SPIDR: variants seen among roughly 807,000 people sequenced by gnomAD.
SPIDR encodes the protein scaffold protein involved in DNA repair, also known as DNA repair-scaffolding protein.
In SPIDR, 93 loss-of-function variants were observed where a neutral mutation model predicts 104.6. That is an observed-to-expected ratio of 0.89 (90% CI 0.75 to 1.06). The LOEUF is 1.06. Ranked by LOEUF, SPIDR falls within the 50% of genes least tolerant of loss-of-function variation. The pLI is 0.00. For missense variants in SPIDR, 1,154 were observed against 1,111.2 expected (o/e 1.04, Z -0.55); for synonymous variants, 431 against 416.9 (o/e 1.03, Z -0.41).
At chr8:47,420,809 G>C (rs1172387482) in intron 7 of SPIDR, among the ~76,000 whole-genome samples, 1 of 152,156 alleles carries the variant, frequency 6.6e-6, no homozygotes, top group African/African-American at 2.4e-5. Flanking sequence ...GGGCAGGCCT[G>C]GTGGTGACAA....
chr8:47,712,158 A>G (rs774589564), intron 14 of SPIDR, among the ~76,000 whole-genome samples: 1 of 152,250 alleles, frequency 6.6e-6, no homozygotes, highest in African/African-American at 2.4e-5. Context: ...ATGAAAAAAT[A>G]TAGAAGGAAA....
intron 8 of SPIDR, among the ~76,000 whole-genome samples, chr8:47,592,927 C>G (rs1382482940): frequency 6.6e-6 from 1 of 152,106 alleles, no homozygotes; most frequent in East Asian, 1.9e-4. Flanking sequence ...GCTTTTGTTG[C>G]CCGGGTTGGA....
chr8:47,703,277 G>T (rs2080590064), intron 14 of SPIDR, among the ~76,000 whole-genome samples: 1 of 152,150 alleles, frequency 6.6e-6, no homozygotes, highest in South Asian at 2.1e-4. Flanking sequence ...CAAATTCTTT[G>T]CATTTCTCTG....
intron 1 of SPIDR, among the ~76,000 whole-genome samples, chr8:47,278,931 C>T (rs930689326): frequency 7.9e-5 from 12 of 151,896 alleles, no homozygotes; most frequent in South Asian, 2.1e-4. Flanking sequence ...CTGTGTTGCC[C>T]GGCTTGAAGT....
chr8:47,646,323 TCAC>T (rs1244789255), intron 10 of SPIDR, among the ~76,000 whole-genome samples: 8 of 152,188 alleles, frequency 5.3e-5, no homozygotes, highest in South Asian at 2.1e-4. Flanking sequence ...GAGTACATTG[TCAC>T]CACTCCAGAG....
intron 5 of SPIDR, among the ~76,000 whole-genome samples, chr8:47,316,804 T>C (rs1339895245): frequency 6.6e-6 from 1 of 152,188 alleles, no homozygotes; most frequent in African/African-American, 2.4e-5. Context: ...TTAAAACTTA[T>C]CAAATGGTGT....
intron 8 of SPIDR, among the ~76,000 whole-genome samples, chr8:47,535,818 G>A (rs2086808964): frequency 6.6e-6 from 1 of 151,812 alleles, no homozygotes; most frequent in Admixed American, 6.6e-5. Flanking sequence ...ACTGAGAGCA[G>A]GAGCAAGACA....
At chr8:47,622,985 A>C (rs2065389439) in intron 10 of SPIDR, among the ~76,000 whole-genome samples, 1 of 152,174 alleles carries the variant, frequency 6.6e-6, no homozygotes, top group African/African-American at 2.4e-5. Context: ...CAGCAGTCTC[A>C]GTATCCGCTA....
intron 5 of SPIDR, among the ~76,000 whole-genome samples, chr8:47,353,592 G>A (rs1489844630): frequency 6.6e-6 from 1 of 152,030 alleles, no homozygotes; most frequent in Non-Finnish European, 1.5e-5. Flanking sequence ...TGACCAAAAT[G>A]GCATGAGGGT....
chr8:47,699,411 C>T (rs1180942568), intron 11 of SPIDR, among the ~76,000 whole-genome samples: 1 of 152,116 alleles, frequency 6.6e-6, no homozygotes, highest in African/African-American at 2.4e-5. Context: ...CTCCAGGGGC[C>T]CTGCTGTTCC....
chr8:47,488,489 T>G (rs990257174), intron 8 of SPIDR, among the ~76,000 whole-genome samples: 1 of 152,180 alleles, frequency 6.6e-6, no homozygotes, highest in Non-Finnish European at 1.5e-5. Context: ...GGAATCCTCC[T>G]TAACTTATTT....
At chr8:47,570,672 T>C (rs2058405539) in intron 8 of SPIDR, among the ~76,000 whole-genome samples, 1 of 152,114 alleles carries the variant, frequency 6.6e-6, no homozygotes, top group African/African-American at 2.4e-5. Context: ...ATAAGAGAGT[T>C]ACATAGAGAA....
chr8:47,542,170 C>CTT (rs56074927), intron 8 of SPIDR, among the ~76,000 whole-genome samples: 7 of 139,436 alleles, frequency 5.0e-5, no homozygotes, highest in African/African-American at 1.3e-4. Flanking sequence ...CTGTCATTTT[C>CTT]TTTTTTTTTT....
At chr8:47,409,921 G>A (rs1252871870) in intron 7 of SPIDR, among the ~76,000 whole-genome samples, 3 of 152,018 alleles carry the variant, frequency 2.0e-5, no homozygotes, top group Non-Finnish European at 2.9e-5. Context: ...CTAACTACTC[G>A]AGAGGCTGAG....
chr8:47,613,319 G>A (rs1373047074), intron 10 of SPIDR, among the ~76,000 whole-genome samples: 1 of 152,194 alleles, frequency 6.6e-6, no homozygotes, highest in Non-Finnish European at 1.5e-5. Flanking sequence ...GCTGTAGCAT[G>A]TACCAGTATT....
chr8:47,312,469 A>G (rs1554586157), intron 5 of SPIDR, among the ~76,000 whole-genome samples: 11 of 152,218 alleles, frequency 7.2e-5, no homozygotes, highest in Admixed American at 4.6e-4. Flanking sequence ...TCTGATGGCC[A>G]GTGATGGTGA....
chr8:47,402,836 C>T (rs1448836585), intron 6 of SPIDR, among the ~76,000 whole-genome samples: 1 of 152,170 alleles, frequency 6.6e-6, no homozygotes, highest in African/African-American at 2.4e-5. Flanking sequence ...AGAGAGAATG[C>T]TCTCTAATTC....
intron 8 of SPIDR, among the ~76,000 whole-genome samples, chr8:47,484,887 A>G (rs985630592): frequency 6.6e-6 from 1 of 152,228 alleles, no homozygotes; most frequent in Non-Finnish European, 1.5e-5. Flanking sequence ...ACAGCTGAAT[A>G]GGAACAGCTC....
rs948828446 is a variant in SPIDR at position 47,551,862 on chromosome 8, T to C, written c.1098-43949T>C. ...TCTCTAGTTCTTTTAATTGTGATGT[T>C]AGGGTGTCAATTTTAGAACTTTCCT... is the stretch of plus-strand genomic sequence containing the variant. On this transcript the variant is annotated intron_variant, in intron 8 of 19. Transcript: ENST00000297423. Among the ~76,000 whole-genome samples, 3 of 152,196 alleles carry C rather than the reference T, an allele frequency of 2.0e-5. No individual in the cohort carries two copies. The East Asian group carries it at 5.8e-4, about 29-fold the overall frequency.
Sources: gnomAD v4.1 joint callset for allele counts (sites outside exome capture counted in the v4.1 genomes callset) on GRCh38, gnomAD v4.1.1 for gene constraint, MANE v1.5 for transcripts, NCBI Gene and HGNC (gene_info 2026-07-23, HGNC 2026-07-21) for gene names.